ZNF385D: variants seen among roughly 807,000 people sequenced by gnomAD.
ZNF385D encodes the protein zinc finger protein 385D.
ZNF385D carries 15 observed loss-of-function variants against 35.8 expected under a neutral mutation model. That is an observed-to-expected ratio of 0.42 (90% CI 0.28 to 0.64). ZNF385D has a LOEUF of 0.64. Among genes scored for constraint, ZNF385D ranks in the 30% least tolerant of loss-of-function variants. ZNF385D has a pLI of 0.23. For missense variants in ZNF385D, 474 were observed against 494.6 expected, an observed-to-expected ratio of 0.96 and a Z score of 0.39; for synonymous variants, 212 against 186.8, an observed-to-expected ratio of 1.13 and a Z score of -1.10.
In ZNF385D at chr3:21,787,364, G is replaced by C. The variant is rs1482903383; in HGVS notation, c.326-122336C>G. ...AGTGGGAACATGGGCACAAAGAAAA[G>C]AAGTGGTGAGAAGTGAAGAGCTAAA... On this transcript the variant is annotated intron_variant, in intron 3 of 5. Coordinates refer to the ZNF385D transcript ENST00000494108. Among the ~76,000 whole-genome samples the C allele has an allele frequency of 3.3e-5, 5 of 152,132 alleles. No individual in the cohort carries two copies. The East Asian group carries it at 9.6e-4, about 29-fold the overall frequency.
intron 3 of ZNF385D, among the ~76,000 whole-genome samples, chr3:22,037,954 C>A (rs999179983): frequency 9.9e-5 from 15 of 152,140 alleles, no homozygotes; most frequent in Admixed American, 5.9e-4. Context: ...CTTTGACAAA[C>A]CTGACAAAAA....
At chr3:22,263,729 C>T (rs1700750794) in intron 2 of ZNF385D, among the ~76,000 whole-genome samples, 1 of 151,852 alleles carries the variant, frequency 6.6e-6, no homozygotes, top group Non-Finnish European at 1.5e-5. Flanking sequence ...GATTCTCAAC[C>T]AGGGGCAGTT....
rs954560753 is a variant in ZNF385D, at chr3:22,265,131, T to C, written c.107-96096A>G. ...CCCAGTACTCAAGGAGTTTACAAAC[T>C]AGTGAAGAAAACAAGCATTAAAAAA... On this transcript the variant is annotated intron_variant, in intron 2 of 5. Transcript: ENST00000494108. 4.6e-5 allele frequency among the ~76,000 whole-genome samples: 7 copies of C among 151,936 alleles called. 1 individual carries two copies. The highest frequency in any genetic ancestry group is 1.7e-4 in the African/African-American group (7 of 41,408).
intron 2 of ZNF385D, among the ~76,000 whole-genome samples, chr3:22,174,730 G>C (rs936488649): frequency 2.0e-5 from 3 of 151,974 alleles, no homozygotes; most frequent in African/African-American, 7.2e-5. Flanking sequence ...ATACTTCATG[G>C]CGATAACACT....
chr3:21,733,864 T>C (rs1270416664), intron 1 of ZNF385D, among the ~76,000 whole-genome samples: 1 of 152,182 alleles, frequency 6.6e-6, no homozygotes, highest in East Asian at 1.9e-4. Flanking sequence ...TGAATTGAAA[T>C]ATCAGTTTTA....
At chr3:21,668,908 T>A (rs2066482705) in intron 1 of ZNF385D, among the ~76,000 whole-genome samples, 1 of 152,218 alleles carries the variant, frequency 6.6e-6, no homozygotes, top group Non-Finnish European at 1.5e-5. Context: ...AAAATTATCT[T>A]GATAACTATA....
At chr3:22,119,553 T>A (rs1301273503) in intron 3 of ZNF385D, among the ~76,000 whole-genome samples, 1 of 152,140 alleles carries the variant, frequency 6.6e-6, no homozygotes, top group Non-Finnish European at 1.5e-5. Flanking sequence ...CCTTCTCCTC[T>A]AGCTTCTTAG....
chr3:22,332,368 A>T (rs1034702111), intron 2 of ZNF385D, among the ~76,000 whole-genome samples: 6 of 152,190 alleles, frequency 3.9e-5, no homozygotes, highest in Admixed American at 3.3e-4. Context: ...GCACACAAAG[A>T]ATATTAGCCT....
intron 3 of ZNF385D, among the ~76,000 whole-genome samples, chr3:21,920,255 T>G (rs1313059630): frequency 6.6e-6 from 1 of 152,158 alleles, no homozygotes; most frequent in African/African-American, 2.4e-5. Context: ...AGAGAGATAT[T>G]GTGACTTAAC....
rs1323640513 is a variant in ZNF385D at position 22,281,008 on chromosome 3, GGTTCTTGA to G, written c.106+91434_106+91441del. Among the ~76,000 whole-genome samples, 9 of 151,970 alleles carry G rather than the reference GGTTCTTGA, an allele frequency of 5.9e-5. No individual in the cohort carries two copies. The East Asian group carries it at 1.7e-3, about 29-fold the overall frequency. ...TTTGTTTTTCCAGTTATTGTAAAAG[GGTTCTTGA>G]GTTCTTGATCTGATTCTCAGCTTGG... On this transcript the variant is annotated intron_variant, in intron 2 of 5. Transcript: ENST00000494108.
At chr3:22,021,282 A>G (rs539332625) in intron 3 of ZNF385D, among the ~76,000 whole-genome samples, 1 of 152,164 alleles carries the variant, frequency 6.6e-6, no homozygotes, top group South Asian at 2.1e-4. Flanking sequence ...CATGTGAAGC[A>G]TCCAGTGTCA....
intron 2 of ZNF385D, among the ~76,000 whole-genome samples, chr3:21,590,777 A>C (rs1190014672): frequency 6.6e-6 from 1 of 152,140 alleles, no homozygotes; most frequent in African/African-American, 2.4e-5. Flanking sequence ...GAAAACCTAA[A>C]ACATAAATAT....
chr3:21,948,403 T>C (rs2125292019), intron 3 of ZNF385D, among the ~76,000 whole-genome samples: 1 of 152,200 alleles, frequency 6.6e-6, no homozygotes, highest in African/African-American at 2.4e-5. Flanking sequence ...CATTGACAAG[T>C]TTTTCCACAG....
At chr3:21,758,995 A>AAAAAAAC (rs2070477718) in intron 3 of ZNF385D, among the ~76,000 whole-genome samples, 4 of 148,384 alleles carry the variant, frequency 2.7e-5, no homozygotes, top group African/African-American at 1.0e-4. Flanking sequence ...AAAAAAAAAA[A>AAAAAAAC]AAAAAAAAAA....
intron 2 of ZNF385D, among the ~76,000 whole-genome samples, chr3:22,302,625 A>C (rs1399443005): frequency 1.3e-5 from 2 of 152,008 alleles, no homozygotes; most frequent in African/African-American, 4.8e-5. Context: ...TTTTCAATTC[A>C]GATGGGATAG....
intron 3 of ZNF385D, among the ~76,000 whole-genome samples, chr3:22,004,858 T>C (rs1374274057): frequency 6.6e-6 from 1 of 152,038 alleles, no homozygotes; most frequent in African/African-American, 2.4e-5. Flanking sequence ...ATCTCACATA[T>C]ATTGATTGAT....
intron 3 of ZNF385D, among the ~76,000 whole-genome samples, chr3:22,108,499 T>C (rs975244028): frequency 6.6e-6 from 1 of 152,166 alleles, no homozygotes; most frequent in Non-Finnish European, 1.5e-5. Context: ...TTATTAATCT[T>C]GGCCATTTCA....
chr3:22,151,427 A>G (rs1449415779), intron 3 of ZNF385D, among the ~76,000 whole-genome samples: 1 of 152,152 alleles, frequency 6.6e-6, no homozygotes, highest in African/African-American at 2.4e-5. Context: ...GAGGTGAATA[A>G]TTAGAGTTTG....
At chr3:22,256,338 A>G (rs1700316593) in intron 2 of ZNF385D, among the ~76,000 whole-genome samples, 1 of 151,490 alleles carries the variant, frequency 6.6e-6, no homozygotes, top group Non-Finnish European at 1.5e-5. Context: ...GGTCTCCCCA[A>G]AATATTATGA....
Sources: allele counts gnomAD v4.1 joint callset (sites outside exome capture counted in the v4.1 genomes callset), GRCh38; gene constraint gnomAD v4.1.1; transcripts MANE v1.5; gene names NCBI Gene and HGNC (gene_info 2026-07-23, HGNC 2026-07-21).